Variants in ITFG1 observed in about 807,000 individuals in gnomAD.
The protein encoded by ITFG1 is integrin alpha FG-GAP repeat containing 1.
In ITFG1, 34 loss-of-function variants were observed where a neutral mutation model predicts 81.8. That is an observed-to-expected ratio of 0.42 (90% confidence interval 0.32 to 0.55). ITFG1 has a LOEUF of 0.55. Ranked by LOEUF, ITFG1 falls within the 20% of genes least tolerant of loss-of-function variation. ITFG1 has a pLI of 0.17. For synonymous variants in ITFG1, 285 were observed against 270.6 expected (o/e 1.05, Z -0.52); for missense variants, 672 against 755.4 (o/e 0.89, Z 1.29).
intron 6 of ITFG1, among the ~76,000 whole-genome samples, chr16:47,395,804 AGAAGT>A (rs1968585915): frequency 6.6e-6 from 1 of 152,250 alleles, no homozygotes; most frequent in South Asian, 2.1e-4. Flanking sequence ...AAAATGTCAA[AGAAGT>A]GAAGTTTCAA....
At chr16:47,265,150 A>T (rs1357408928) in intron 10 of ITFG1, among the ~76,000 whole-genome samples, 1 of 148,744 alleles carries the variant, frequency 6.7e-6, no homozygotes, top group Non-Finnish European at 1.5e-5. Context: ...TTATTACCTG[A>T]TATGTTGTAA....
At chr16:47,324,945 A>C (rs987882937) in intron 8 of ITFG1, among the ~76,000 whole-genome samples, 7 of 152,188 alleles carry the variant, frequency 4.6e-5, no homozygotes, top group Non-Finnish European at 8.8e-5. Context: ...AGTCAAAAGG[A>C]TACCCAGGAA....
At chr16:47,430,593 C>T (rs1969082982) in intron 5 of ITFG1, among the ~76,000 whole-genome samples, 1 of 151,974 alleles carries the variant, frequency 6.6e-6, no homozygotes, top group East Asian at 1.9e-4. Flanking sequence ...TAATGTCATA[C>T]AAGGTTTTCT....
In ITFG1 at chr16:47,433,857, AATATATATATATATATATATATAT is replaced by A. The variant is rs4038737; in HGVS notation, c.561-4983_561-4960del. Among the ~76,000 whole-genome samples, 270 of 38,380 alleles carry A rather than the reference AATATATATATATATATATATATAT, an allele frequency of 7.0e-3. 4 individuals carry two copies. Among genetic ancestry groups the A allele is most frequent in the African/African-American group, 0.015 (226 of 14,788 alleles). 25.2% of individuals were successfully genotyped at this position (38,380 alleles called of 152,430 possible). ...AACTAAAGTGAATAAATAAAAACTG[AATATATATATATATATATATATAT>A]ATATATATATATATATATATATATA... On this transcript the variant is annotated intron_variant, in intron 5 of 17. Coordinates refer to ENST00000320640, the MANE Select transcript of ITFG1 (RefSeq NM_030790.5).
chr16:47,225,725 T>C (rs1965748666), intron 13 of ITFG1, among the ~76,000 whole-genome samples: 1 of 152,042 alleles, frequency 6.6e-6, no homozygotes, highest in African/African-American at 2.4e-5. Flanking sequence ...TGGGGGGAAA[T>C]TAACATATTG....
chr16:47,430,557 T>G (rs1293627859), intron 5 of ITFG1, among the ~76,000 whole-genome samples: 1 of 152,200 alleles, frequency 6.6e-6, no homozygotes, highest in Non-Finnish European at 1.5e-5. Context: ...TTTAATCTTT[T>G]TTAAATGAAT....
At chr16:47,245,218 G>A (rs567460428) in intron 12 of ITFG1, among the ~76,000 whole-genome samples, 30 of 152,134 alleles carry the variant, frequency 2.0e-4, no homozygotes, top group African/African-American at 7.2e-4. Context: ...GCATGGTGGT[G>A]TGTGCCTGTA....
chr16:47,368,555 C>CAAAAAAAAAA lies in ITFG1; in HGVS notation c.721-2696_721-2687dup, dbSNP rs35965452. 9.2e-4 allele frequency among the ~76,000 whole-genome samples: 31 copies of CAAAAAAAAAA among 33,576 alleles called. 2 individuals are homozygous for CAAAAAAAAAA. The highest frequency in any genetic ancestry group is 1.9e-3 in the African/African-American group (14 of 7,316). 22.0% of individuals were successfully genotyped at this position (33,576 alleles called of 152,430 possible). On this transcript the variant is annotated intron_variant, in intron 7 of 17. Transcript: ENST00000320640. ...TGGGTGACAGAGCAAGACTCCATCT[C>CAAAAAAAAAA]AAAAAAAAAAAAAAAAAAAAAAAAA...
chr16:47,337,219 T>A (rs919856772), intron 8 of ITFG1, among the ~76,000 whole-genome samples: 1 of 151,224 alleles, frequency 6.6e-6, no homozygotes, highest in African/African-American at 2.4e-5. Flanking sequence ...GTACTTGATA[T>A]CCTCTTGTGG....
At chr16:47,240,129 GAA>G (rs569857397) in intron 12 of ITFG1, among the ~76,000 whole-genome samples, 7 of 107,228 alleles carry the variant, frequency 6.5e-5, no homozygotes, top group Admixed American at 2.0e-4. Flanking sequence ...CTGTCTACCA[GAA>G]AAAAAAAAAA....
chr16:47,181,877 C>T (rs952882028), intron 14 of ITFG1, among the ~76,000 whole-genome samples: 25 of 152,100 alleles, frequency 1.6e-4, no homozygotes, highest in Non-Finnish European at 4.4e-5. Context: ...TGATCTATGA[C>T]CTTACCCCCA....
At chr16:47,460,588 T>C in intron 1 of ITFG1, among the ~76,000 whole-genome samples, 1 of 152,080 alleles carries the variant, frequency 6.6e-6, no homozygotes, top group Admixed American at 6.5e-5. Context: ...CGCAGACTTC[T>C]TAGGAACAAA....
chr16:47,214,695 CTAA>C (rs1197938931), intron 14 of ITFG1, among the ~76,000 whole-genome samples: 1 of 152,096 alleles, frequency 6.6e-6, no homozygotes, highest in Non-Finnish European at 1.5e-5. Context: ...ATGTAACTCT[CTAA>C]TAATGTTTGG....
chr16:47,237,068 A>G (rs551949167), intron 13 of ITFG1, among the ~76,000 whole-genome samples: 1 of 152,302 alleles, frequency 6.6e-6, no homozygotes, highest in Non-Finnish European at 1.5e-5. Context: ...AGAGCTCCCC[A>G]TGCATCTTCT....
At chr16:47,287,440 AC>A (rs1966874216) in intron 10 of ITFG1, among the ~76,000 whole-genome samples, 1 of 151,744 alleles carries the variant, frequency 6.6e-6, no homozygotes, top group Non-Finnish European at 1.5e-5. Flanking sequence ...TTGTTCTGTC[AC>A]CCAGGCAGGA....
At chr16:47,359,236 G>C (rs1968078988) in intron 8 of ITFG1, among the ~76,000 whole-genome samples, 2 of 152,080 alleles carry the variant, frequency 1.3e-5, no homozygotes, top group African/African-American at 2.4e-5. Flanking sequence ...AGTTAAACAA[G>C]GACATGCTAA....
At chr16:47,189,813 C>G (rs1276938669) in intron 14 of ITFG1, among the ~76,000 whole-genome samples, 3 of 152,120 alleles carry the variant, frequency 2.0e-5, no homozygotes, top group Non-Finnish European at 4.4e-5. Context: ...CCTTAATTCA[C>G]AAAAGCCTCT....
At chr16:47,388,697 G>A (rs1281008900) in intron 6 of ITFG1, among the ~76,000 whole-genome samples, 1 of 152,118 alleles carries the variant, frequency 6.6e-6, no homozygotes, top group Non-Finnish European at 1.5e-5. Context: ...CCTTGAAGAA[G>A]GAATTAATGA....
chr16:47,450,802 A>C (rs1405453489), intron 5 of ITFG1, among the ~76,000 whole-genome samples: 1 of 152,180 alleles, frequency 6.6e-6, no homozygotes, highest in Non-Finnish European at 1.5e-5. Flanking sequence ...GTGCTACGAG[A>C]CCAGTTCTAT....
Sources: allele counts gnomAD v4.1 joint callset (sites outside exome capture counted in the v4.1 genomes callset), GRCh38; gene constraint gnomAD v4.1.1; transcripts MANE v1.5; gene names NCBI Gene and HGNC (gene_info 2026-07-23, HGNC 2026-07-21).